TMEM132D: variants seen among roughly 807,000 people sequenced by gnomAD.
TMEM132D encodes transmembrane protein 132D, also known as mature OL transmembrane protein.
In TMEM132D, 21 loss-of-function variants were observed where a neutral mutation model predicts 62.3. The ratio of observed to expected loss-of-function variants is 0.34; its 90% CI spans 0.24 to 0.49. TMEM132D has a LOEUF of 0.49. TMEM132D is among the 20% of genes least tolerant of loss of function. The probability of loss-of-function intolerance (pLI) is 0.99; values close to 1 mark genes in which losing one functional copy is unlikely to be tolerated. For missense variants in TMEM132D, 1,346 were observed against 1,402.8 expected, an observed-to-expected ratio of 0.96 and a Z score of 0.65; for synonymous variants, 621 against 575.6, an observed-to-expected ratio of 1.08 and a Z score of -1.13.
At position 129,774,126 on chromosome 12, in the gene TMEM132D, G is replaced by C. The variant is rs540890180; in HGVS notation, c.80-73428C>G. Among the ~76,000 whole-genome samples, 320 of 152,262 alleles carry C rather than the reference G, an allele frequency of 2.1e-3. 1 individual carries two copies. Among genetic ancestry groups the C allele is most frequent in the African/African-American group, 7.2e-3 (297 of 41,524 alleles). On this transcript the variant is annotated intron_variant, in intron 1 of 8. Coordinates refer to ENST00000422113, the MANE Select transcript of TMEM132D (RefSeq NM_133448.3). ...TATCTGTTTTCAGTTCTGTGGATGAGAATTGCAGGACAGGAAGAGGAGTGT... is the reference window on the plus strand; with the variant it reads ...TATCTGTTTTCAGTTCTGTGGATGACAATTGCAGGACAGGAAGAGGAGTGT...
At chr12:129,491,652 C>CT (rs1325487776) in intron 3 of TMEM132D, among the ~76,000 whole-genome samples, 1 of 152,142 alleles carries the variant, frequency 6.6e-6, no homozygotes, top group Non-Finnish European at 1.5e-5. Flanking sequence ...TAAATCTTTG[C>CT]TTATTGGGGC....
At chr12:129,343,347 G>A (rs759282872) in intron 3 of TMEM132D, among the ~76,000 whole-genome samples, 1 of 150,004 alleles carries the variant, frequency 6.7e-6, no homozygotes, top group Non-Finnish European at 1.5e-5. Context: ...ACCACCGCAT[G>A]TTCTCACTCA....
chr12:129,883,480 A>T (rs529650426), intron 1 of TMEM132D, among the ~76,000 whole-genome samples: 1 of 152,224 alleles, frequency 6.6e-6, no homozygotes, highest in African/African-American at 2.4e-5. Flanking sequence ...TGCAGGTTCA[A>T]TACACTTCCA....
At chr12:129,407,335 A>T (rs986776701) in intron 3 of TMEM132D, among the ~76,000 whole-genome samples, 1 of 152,142 alleles carries the variant, frequency 6.6e-6, no homozygotes, top group Non-Finnish European at 1.5e-5. Context: ...ACTCTTTGTC[A>T]CTTCTTCGTC....
chr12:129,847,868 G>T lies in TMEM132D; in HGVS notation c.79+55393C>A, dbSNP rs996454747. Among the ~76,000 whole-genome samples, 7 of 152,064 alleles carry T rather than the reference G, an allele frequency of 4.6e-5. 1 individual carries two copies. The highest frequency in any genetic ancestry group is 3.9e-4 in the Admixed American group (6 of 15,258). On this transcript the variant is annotated intron_variant, in intron 1 of 8. Transcript: ENST00000422113. Reference sequence around the variant, plus strand: ...GCGGAACCCCAAGGTTGCCACGGGAGAAGCTCCCAGACATGCATGGGGCAG... The same window carrying T: ...GCGGAACCCCAAGGTTGCCACGGGATAAGCTCCCAGACATGCATGGGGCAG...
intron 1 of TMEM132D, among the ~76,000 whole-genome samples, chr12:129,822,305 A>T (rs1342250046): frequency 6.6e-6 from 1 of 152,130 alleles, no homozygotes; most frequent in Non-Finnish European, 1.5e-5. Flanking sequence ...TGGAGGACTC[A>T]CAGGACTCAG....
chr12:129,601,827 C>T (rs1451031588), intron 2 of TMEM132D, among the ~76,000 whole-genome samples: 2 of 152,012 alleles, frequency 1.3e-5, no homozygotes, highest in African/African-American at 2.4e-5. Context: ...AATATAATAA[C>T]AATGAAAAGT....
At chr12:129,407,739 T>C (rs1871835690) in intron 3 of TMEM132D, among the ~76,000 whole-genome samples, 1 of 151,360 alleles carries the variant, frequency 6.6e-6, no homozygotes. Flanking sequence ...ACCCTGTCTC[T>C]ACTAAAAAAA....
chr12:129,470,804 C>T (rs530228904), intron 3 of TMEM132D, among the ~76,000 whole-genome samples: 1 of 152,138 alleles, frequency 6.6e-6, no homozygotes, highest in Non-Finnish European at 1.5e-5. Context: ...TGTCACAGCA[C>T]CTTTTGTCCT....
intron 1 of TMEM132D, among the ~76,000 whole-genome samples, chr12:129,892,500 T>C (rs369624344): frequency 6.6e-6 from 1 of 152,146 alleles, no homozygotes; most frequent in Admixed American, 6.5e-5. Flanking sequence ...TTCTTCTTTC[T>C]CTCCTCCCCT....
intron 5 of TMEM132D, among the ~76,000 whole-genome samples, chr12:129,184,719 T>C (rs770820800): frequency 6.6e-6 from 1 of 152,214 alleles, no homozygotes; most frequent in Non-Finnish European, 1.5e-5. Flanking sequence ...CTCTTCCCGG[T>C]TGCATGGAGA....
At chr12:129,843,464 T>G (rs377225934) in intron 1 of TMEM132D, among the ~76,000 whole-genome samples, 2 of 152,198 alleles carry the variant, frequency 1.3e-5, no homozygotes, top group East Asian at 3.8e-4. Flanking sequence ...ACATGGAATG[T>G]AGAATGCAAA....
intron 4 of TMEM132D, among the ~76,000 whole-genome samples, chr12:129,300,951 C>G (rs762030770): frequency 1.8e-4 from 27 of 152,130 alleles, no homozygotes; most frequent in Non-Finnish European, 5.9e-5. Flanking sequence ...GTAGTTACCC[C>G]ACTCCTGTCT....
intron 5 of TMEM132D, among the ~76,000 whole-genome samples, chr12:129,166,438 T>C (rs113790510): frequency 2.6e-5 from 4 of 152,294 alleles, no homozygotes; most frequent in African/African-American, 9.6e-5. Context: ...TGGGCGGATG[T>C]GGCAGGCTTT....
At chr12:129,311,327 C>T (rs947908747) in intron 4 of TMEM132D, among the ~76,000 whole-genome samples, 1 of 150,254 alleles carries the variant, frequency 6.7e-6, no homozygotes, top group Non-Finnish European at 1.5e-5. Flanking sequence ...GTATCATGAG[C>T]ACTTTAGCAA....
chr12:129,723,556 G>A (rs11060511), intron 1 of TMEM132D, among the ~76,000 whole-genome samples: 9,208 of 152,240 alleles, frequency 0.06, 326 homozygotes, highest in South Asian at 0.13. Flanking sequence ...GGCCACCATT[G>A]CAGACCCCAG....
chr12:129,754,792 T>A (rs1870111904), intron 1 of TMEM132D, among the ~76,000 whole-genome samples: 1 of 152,168 alleles, frequency 6.6e-6, no homozygotes, highest in African/African-American at 2.4e-5. Context: ...TTGCCTTTGA[T>A]ACCACACAGT....
At chr12:129,864,861 T>C (rs12811810) in intron 1 of TMEM132D, among the ~76,000 whole-genome samples, 7,245 of 152,238 alleles carry the variant, frequency 0.048, 214 homozygotes, top group Non-Finnish European at 0.068. Flanking sequence ...ATAGTCCGTG[T>C]CCTCTGAGTG....
chr12:129,874,670 C>T (rs1874357873), intron 1 of TMEM132D, among the ~76,000 whole-genome samples: 1 of 148,598 alleles, frequency 6.7e-6, no homozygotes, highest in African/African-American at 2.5e-5. Context: ...TTTATACAGC[C>T]CCAAAAGTAA....
Sources: allele counts gnomAD v4.1 joint callset (sites outside exome capture counted in the v4.1 genomes callset), GRCh38; gene constraint gnomAD v4.1.1; transcripts MANE v1.5; gene names NCBI Gene and HGNC (gene_info 2026-07-23, HGNC 2026-07-21).